GGCX: variants seen among roughly 807,000 people sequenced by gnomAD.
The protein encoded by GGCX is vitamin K-dependent gamma-carboxylase.
In GGCX, 63 loss-of-function variants were observed where a neutral mutation model predicts 88.5. The observed-to-expected ratio is 0.71, with a 90% confidence interval of 0.58 to 0.88. The LOEUF is 0.88. Among genes scored for constraint, GGCX ranks in the 40% least tolerant of loss-of-function variants. The pLI, the probability that GGCX is intolerant of heterozygous loss-of-function variation, is 0.00. For synonymous variants in GGCX, 368 were observed against 365.8 expected (o/e 1.01, Z -0.07); for missense variants, 805 against 932.9 (o/e 0.86, Z 1.79).
chr2:85,559,900 T>C (rs1340746713), intron 2 of GGCX, among the ~76,000 whole-genome samples: 1 of 152,132 alleles, frequency 6.6e-6, no homozygotes, highest in Non-Finnish European at 1.5e-5. Flanking sequence ...CTAGTCACAT[T>C]TTGGGCTGGT....
At chr2:85,550,803 C>T in intron 13 of GGCX, 53 bp from the exon 14 acceptor site, 1 of 1,588,390 alleles carries the variant, frequency 6.3e-7, no homozygotes, top group Non-Finnish European at 8.6e-7. Flanking sequence ...ACTCTCTCCC[C>T]TTAGAACTCC....
intron 2 of GGCX, among the ~76,000 whole-genome samples, chr2:85,559,508 T>C (rs1312405084): frequency 6.6e-6 from 1 of 150,656 alleles, no homozygotes; most frequent in Non-Finnish European, 1.5e-5. Flanking sequence ...AGGTTGGGAG[T>C]TCGAAACCAG....
At chr2:85,553,126 C>A (rs1308293367) in intron 8 of GGCX, 56 bp from the exon 9 acceptor site, 1 of 1,613,488 alleles carries the variant, frequency 6.2e-7, no homozygotes, top group Non-Finnish European at 8.5e-7. Context: ...TGACCCCATC[C>A]CCTACCAAGA....
At chr2:85,554,112 TC>T (rs1692098855) in intron 7 of GGCX, 30 bp downstream of exon 7, 1 of 1,574,172 alleles carries the variant, frequency 6.4e-7, no homozygotes, top group Non-Finnish European at 8.7e-7. Context: ...AAACTGTGGT[TC>T]CTGTTTCCTC....
Position 85,553,369 on chromosome 2 carries a change from T to A in GGCX, c.1018A>T (p.Ser340Cys), listed in dbSNP as rs1180806168. ...LLPLKAAPQPSVSCVYKRSRG... is the reference protein window; with the variant it reads ...LLPLKAAPQPCVSCVYKRSRG... ...CTCCTCTTATACACACAGGAAACAC[T>A]GGGCTGAGGGGCTGCCTTGAGGGGC... Residue 340 changes from serine to cysteine, a missense_variant, in exon 8 of 15, where the codon AGT (serine) becomes TGT (cysteine). Around this residue, in one of 3 missense-constraint regions of GGCX, gnomAD observed 680 missense variants for 763.7 expected, o/e 0.89. Coordinates refer to ENST00000233838, the MANE Select transcript of GGCX (RefSeq NM_000821.7). 3 of 1,614,168 alleles carry A rather than the reference T, an allele frequency of 1.9e-6. No homozygotes were observed. Among genetic ancestry groups the A allele is most frequent in the Non-Finnish European group, 2.5e-6 (3 of 1,180,028 alleles).
Position 85,550,166 on chromosome 2 carries a change from T to C in GGCX, c.2085-40A>G, listed in dbSNP as rs374082759. The C allele has an allele frequency of 6.7e-6, 10 of 1,482,080 alleles. No individual in the cohort carries two copies. The South Asian group carries it at 9.1e-5, about 13-fold the overall frequency. 91.8% of individuals were successfully genotyped at this position (1,482,080 alleles called of 1,614,324 possible). Reference sequence around the variant, plus strand: ...AAAGCCGACCAAGTTCAAACTCCTGTTTCACCAGAAGAATTTCAGCTAAAG... The same window carrying C: ...AAAGCCGACCAAGTTCAAACTCCTGCTTCACCAGAAGAATTTCAGCTAAAG... On this transcript the variant is annotated intron_variant, in intron 14 of 14. Coordinates refer to ENST00000233838, the MANE Select transcript of GGCX (RefSeq NM_000821.7).
intron 9 of GGCX, 129 bp from the exon 10 acceptor site, chr2:85,552,696 T>C: frequency 9.4e-7 from 1 of 1,066,900 alleles, no homozygotes; most frequent in East Asian, 2.4e-5. Context: ...GAACTTGCCT[T>C]TGGGAATGAA....
rs1382671421 is a variant in GGCX, at chr2:85,544,867, CTTAT to C, written c.*5063_*5066del. 1 of 152,566 alleles carries C rather than the reference CTTAT, an allele frequency of 6.6e-6. No homozygotes were observed. The highest frequency in any genetic ancestry group is 2.4e-5 in the African/African-American group (1 of 41,438). 9.5% of individuals were successfully genotyped at this position (152,566 alleles called of 1,614,324 possible). On this transcript the variant is annotated 3_prime_UTR_variant, in exon 15 of 15. Transcript: ENST00000233838. ...TTCATACTTGAACGTTTTCTAATTG[CTTAT>C]TTATTGTATTCTGGGGTATGGCGTA...
chr2:85,551,025 AG>A lies in GGCX; in HGVS notation c.1787del (p.Pro596LeufsTer26), dbSNP rs778331264. On this transcript the variant is annotated frameshift_variant, in exon 13 of 15. Transcript: ENST00000233838. LOFTEE classifies it high-confidence loss of function. Reference protein sequence around the residue: ...YHKVYTTSPSPSCYMYVYVNT... With the variant: ...YHKVYTTSPSXSCYMYVYVNT... Reference sequence around the variant, plus strand: ...TGACATAGACGTACATGTAGCAAGAAGGGCTAGGTGATGTCGTATACACCTT... The same window carrying A: ...TGACATAGACGTACATGTAGCAAGAAGGCTAGGTGATGTCGTATACACCTT... 1.9e-6 allele frequency: 3 copies of A among 1,613,706 alleles called. No homozygotes were observed. In the African/African-American group the frequency reaches 4.0e-5, roughly 22 times the overall value.
chr2:85,558,510 A>C lies in GGCX; in HGVS notation c.469T>G (p.Trp157Gly), dbSNP rs779018917. 1 of 1,613,636 alleles carries C rather than the reference A, an allele frequency of 6.2e-7. No individual in the cohort carries two copies. The highest frequency in any genetic ancestry group is 8.5e-7 in the Non-Finnish European group (1 of 1,179,512). Residue 157 changes from tryptophan to glycine, a missense_variant, in exon 4 of 15, where the codon TGG (tryptophan) becomes GGG (glycine). Trp to Gly is a radical substitution (Grantham distance 184). Transcript: ENST00000233838. ...CCATACAGATAGGAGTGGTTGTTCC[A>C]TGATGTCTTGTCCAGGAGAAACACA... ...WYVFLLDKTS[W>G]NNHSYLYGLL... is the part of the protein sequence containing the mutation.
Position 85,548,912 on chromosome 2 carries a change from T to G in GGCX, c.*1022A>C, listed in dbSNP as rs1201037145. On this transcript the variant is annotated 3_prime_UTR_variant, in exon 15 of 15. Transcript: ENST00000233838. ...ACTAAGCTTATTTTTAGAGAAAATC[T>G]AGCAATCATCTAGATTTCCTTATTT... The G allele has an allele frequency of 6.6e-6, 1 of 152,224 alleles. No individual in the cohort carries two copies. Among genetic ancestry groups the G allele is most frequent in the African/African-American group, 2.4e-5 (1 of 41,454 alleles). The allele number at this position is 152,224 out of a possible 1,614,324, so 9.4% of individuals were successfully genotyped here.
At chr2:85,550,404 C>A in intron 14 of GGCX, 151 bp downstream of exon 14, 2 of 706,972 alleles carry the variant, frequency 2.8e-6, no homozygotes, top group South Asian at 1.6e-5. Context: ...GCCACTTATT[C>A]TTCCAGTAAA....
Position 85,558,470 on chromosome 2 carries a change from T to C in GGCX, c.509A>G (p.Gln170Arg). Residue 170 changes from glutamine to arginine, a missense_variant, in exon 4 of 15, where the codon CAG (glutamine) becomes CGG (arginine). By Grantham distance (43) the Gln-to-Arg change is conservative. Around this residue, in one of 3 missense-constraint regions of GGCX, gnomAD observed 680 missense variants for 763.7 expected, o/e 0.89. Transcript: ENST00000233838. ...HSYLYGLLAF[Q>R]LTFMDANHYW... The stretch of plus-strand genomic sequence containing the variant: ...GTGGTTTGCATCCATGAATGTTAGC[T>C]GAAAGGCCAACAACCCATACAGATA... The C allele has an allele frequency of 1.2e-6, 2 of 1,613,990 alleles. No individual in the cohort carries two copies. The highest frequency in any genetic ancestry group is 1.7e-6 in the Non-Finnish European group (2 of 1,179,872).
In GGCX at chr2:85,546,082, A is replaced by C. The variant is rs1691647446; in HGVS notation, c.*3852T>G. ...TTGTCCTGCAAATGTAGAGCCAAGG[A>C]GTGCTTGCTTATGCCTGTTTGCATG... On this transcript the variant is annotated 3_prime_UTR_variant, in exon 15 of 15. Coordinates refer to ENST00000233838, the MANE Select transcript of GGCX (RefSeq NM_000821.7). The C allele has an allele frequency of 6.6e-6, 1 of 152,222 alleles. No homozygotes were observed. Among genetic ancestry groups the C allele is most frequent in the Non-Finnish European group, 1.5e-5 (1 of 68,050 alleles). 9.4% of individuals were successfully genotyped at this position (152,222 alleles called of 1,614,324 possible).
chr2:85,550,499 A>G, intron 14 of GGCX, 56 bp downstream of exon 14: 1 of 1,293,682 alleles, frequency 7.7e-7, no homozygotes, highest in Non-Finnish European at 1.1e-6. Flanking sequence ...CCCCAGGGGA[A>G]AGTTACCAAG....
At position 85,545,606 on chromosome 2, in the gene GGCX, C is replaced by G. The variant is rs997659203; in HGVS notation, c.*4328G>C. On this transcript the variant is annotated 3_prime_UTR_variant, in exon 15 of 15. Coordinates refer to ENST00000233838, the MANE Select transcript of GGCX (RefSeq NM_000821.7). ...TTAAAAGCCTAAGCAAGATTTAGTCCTCCTAGTCCACTTAAGCCAAAATTC... is the reference window on the plus strand; with the variant it reads ...TTAAAAGCCTAAGCAAGATTTAGTCGTCCTAGTCCACTTAAGCCAAAATTC... The G allele has an allele frequency of 6.6e-6, 1 of 151,784 alleles. No individual in the cohort carries two copies. The highest frequency in any genetic ancestry group is 1.9e-4 in the East Asian group (1 of 5,198). The allele number at this position is 151,784 out of a possible 1,614,324, so 9.4% of individuals were successfully genotyped here. A position where few individuals can be genotyped will look rare whatever the true frequency, so the allele number is the denominator to read the frequency against.
At chr2:85,555,212 C>A (rs1259838613) in intron 6 of GGCX, 1 of 372,406 alleles carries the variant, frequency 2.7e-6, no homozygotes. Flanking sequence ...GGCACTGGCT[C>A]ACTCACCAAG....
chr2:85,561,099 G>T (rs1290876145), intron 1 of GGCX, 114 bp from the exon 2 acceptor site: 3 of 912,370 alleles, frequency 3.3e-6, no homozygotes, highest in Non-Finnish European at 5.4e-6. Flanking sequence ...GCTCAATGAG[G>T]TTGCCTCAAT....
Position 85,560,948 on chromosome 2 carries a change from C to T in GGCX, c.81G>A (p.Gly27=), listed in dbSNP as rs766572472. 1.9e-5 allele frequency: 31 copies of T among 1,613,906 alleles called. No individual in the cohort carries two copies. In the African/African-American group the frequency reaches 3.9e-4, roughly 20 times the overall value. ...TCCCTATTCGGCTGTCCTGCCTGGG[C>T]CCTGAGATCAGTTCAGCCTTGTCTT... ...VQKDKAELIS[G]PRQDSRIGKL... The change falls in exon 2 of 15, where the codon GGG becomes GGA. Residue 27 remains glycine (G), a synonymous_variant. Transcript: ENST00000233838.
Sources: gnomAD v4.1 joint callset for allele counts (sites outside exome capture counted in the v4.1 genomes callset) on GRCh38, gnomAD v4.1.1 for gene constraint, gnomAD v4.1.1 regional missense constraint, MANE v1.5 for transcripts, NCBI Gene and HGNC (gene_info 2026-07-23, HGNC 2026-07-21) for gene names.